The following MIR2052HG variants were observed in gnomAD, a reference collection of about 807,000 sequenced individuals.
The protein encoded by MIR2052HG is MIR2052 host gene.
intron 4 of MIR2052HG, among the ~76,000 whole-genome samples, chr8:74,730,071 A>AG (rs772219154): frequency 1.2e-4 from 19 of 152,164 alleles, no homozygotes; most frequent in Non-Finnish European, 2.5e-4. Context: ...TAATTGTTCA[A>AG]GCCTAATATA....
At chr8:74,647,711 C>G (rs928920551) in intron 2 of MIR2052HG, among the ~76,000 whole-genome samples, 1 of 152,092 alleles carries the variant, frequency 6.6e-6, no homozygotes, top group Non-Finnish European at 1.5e-5. Context: ...ATGGAGGGAC[C>G]GGCTGAAGCT....
intron 2 of MIR2052HG, among the ~76,000 whole-genome samples, chr8:74,648,747 A>G (rs1330364333): frequency 2.6e-5 from 4 of 152,192 alleles, no homozygotes; most frequent in Non-Finnish European, 1.5e-5. Flanking sequence ...ATTTTCTTAT[A>G]TTTCATTGGG....
chr8:74,634,515 TA>T (rs374030221), intron 2 of MIR2052HG, among the ~76,000 whole-genome samples: 135 of 152,246 alleles, frequency 8.9e-4, no homozygotes, highest in African/African-American at 3.1e-3. Context: ...ATTTTCACCT[TA>T]AATTTTTTTT....
chr8:74,749,162 T>C (rs1472273135), intron 4 of MIR2052HG, among the ~76,000 whole-genome samples: 1 of 152,182 alleles, frequency 6.6e-6, no homozygotes, highest in Non-Finnish European at 1.5e-5. Flanking sequence ...GGTAACAGAA[T>C]AAACATTGAA....
intron 4 of MIR2052HG, among the ~76,000 whole-genome samples, chr8:74,706,672 T>C (rs1334424527): frequency 2.0e-5 from 3 of 152,132 alleles, no homozygotes; most frequent in Non-Finnish European, 4.4e-5. Flanking sequence ...GTATAAAAGA[T>C]GACTTCTTAA....
intron 4 of MIR2052HG, among the ~76,000 whole-genome samples, chr8:74,713,566 C>T (rs1027144218): frequency 3.3e-5 from 5 of 151,826 alleles, no homozygotes; most frequent in African/African-American, 1.2e-4. Context: ...CATCTCTTCT[C>T]TCATCTCCTA....
chr8:74,632,379 A>T (rs1346626755), intron 2 of MIR2052HG: 1 of 152,106 alleles, frequency 6.6e-6, no homozygotes, highest in African/African-American at 2.4e-5. Context: ...TTATTATCCT[A>T]TAGTGGCCCC....
At chr8:74,743,061 CA>C (rs372589033) in intron 4 of MIR2052HG, among the ~76,000 whole-genome samples, 2 of 149,924 alleles carry the variant, frequency 1.3e-5, no homozygotes, top group East Asian at 3.9e-4. Flanking sequence ...TATAGAATGT[CA>C]AAAAAACAAA....
At chr8:74,720,073 ATCTCC>A (rs1809560340) in intron 4 of MIR2052HG, among the ~76,000 whole-genome samples, 2 of 151,606 alleles carry the variant, frequency 1.3e-5, no homozygotes, top group Admixed American at 1.3e-4. Context: ...GAAGGTCTTG[ATCTCC>A]TGACCTCATG....
intron 1 of MIR2052HG, among the ~76,000 whole-genome samples, chr8:74,606,865 A>G (rs903716531): frequency 2.0e-5 from 3 of 152,222 alleles, no homozygotes; most frequent in Admixed American, 1.3e-4. Context: ...CAAACATTAA[A>G]AGAACACAAC....
intron 1 of MIR2052HG, among the ~76,000 whole-genome samples, chr8:74,607,441 G>A (rs187763367): frequency 1.1e-3 from 165 of 152,108 alleles, no homozygotes; most frequent in Middle Eastern, 3.4e-3. Context: ...GCAAATCCCC[G>A]TCTCTACTAA....
chr8:74,694,154 G>C (rs1809271391), intron 2 of MIR2052HG, among the ~76,000 whole-genome samples: 1 of 152,216 alleles, frequency 6.6e-6, no homozygotes, highest in Admixed American at 6.5e-5. Flanking sequence ...ATCCATGGCT[G>C]AGAGACATGA....
At chr8:74,756,563 A>G (rs1348588346) in intron 5 of MIR2052HG, 1 of 152,228 alleles carries the variant, frequency 6.6e-6, no homozygotes, top group African/African-American at 2.4e-5. Flanking sequence ...ACTTTTTAAC[A>G]TGAGAAAACT....
intron 2 of MIR2052HG, among the ~76,000 whole-genome samples, chr8:74,643,664 A>G (rs1445659481): frequency 6.6e-6 from 1 of 152,236 alleles, no homozygotes; most frequent in Admixed American, 6.5e-5. Context: ...AATGCCATCT[A>G]GAAGAAAAAT....
intron 2 of MIR2052HG, among the ~76,000 whole-genome samples, chr8:74,636,821 C>A (rs1167188224): frequency 6.6e-6 from 1 of 152,092 alleles, no homozygotes; most frequent in Non-Finnish European, 1.5e-5. Flanking sequence ...GCTAGATACT[C>A]TATGGCACCA....
intron 2 of MIR2052HG, among the ~76,000 whole-genome samples, chr8:74,632,727 C>T (rs1392845821): frequency 6.6e-6 from 1 of 152,070 alleles, no homozygotes; most frequent in Non-Finnish European, 1.5e-5. Context: ...CTAGCCTTTC[C>T]CCATTTCCCT....
At chr8:74,611,384 A>T (rs1808192504) in intron 1 of MIR2052HG, among the ~76,000 whole-genome samples, 1 of 152,176 alleles carries the variant, frequency 6.6e-6, no homozygotes. Flanking sequence ...TAAAGCAGTA[A>T]AACTATTTTT....
rs972194803 is a variant in MIR2052HG at position 74,652,928 on chromosome 8, A to G, written n.216+39988A>G. On this transcript the variant is annotated intron_variant and non_coding_transcript_variant, in intron 2 of 6. Transcript: ENST00000523442. ...GGCTCCTGAGTGATTGGCTGCTTCA[A>G]AACAATAAGGGAACTGCATACAATT... 2.2e-4 allele frequency among the ~76,000 whole-genome samples: 34 copies of G among 152,202 alleles called. 1 individual carries two copies. Among genetic ancestry groups the G allele is most frequent in the South Asian group, 2.1e-4 (1 of 4,832 alleles).
intron 4 of MIR2052HG, among the ~76,000 whole-genome samples, chr8:74,730,502 A>G (rs925095995): frequency 4.6e-5 from 7 of 152,228 alleles, no homozygotes; most frequent in African/African-American, 1.2e-4. Context: ...TCGAATAGTC[A>G]TATGAAAATA....
Sources: gnomAD v4.1 joint callset for allele counts (sites outside exome capture counted in the v4.1 genomes callset) on GRCh38, gnomAD v4.1.1 for gene constraint, MANE v1.5 for transcripts, NCBI Gene and HGNC (gene_info 2026-07-23, HGNC 2026-07-21) for gene names.